The following FKBP4 variants were observed in gnomAD, a reference collection of about 807,000 sequenced individuals.
FKBP4 encodes the protein FKBP prolyl isomerase 4, also known as peptidyl-prolyl cis-trans isomerase FKBP4.
Under a neutral mutation model 54.1 loss-of-function variants are expected in FKBP4, and 28 were observed. That is an observed-to-expected ratio of 0.52 (90% confidence interval 0.38 to 0.71). FKBP4 has a LOEUF of 0.71. Among genes scored for constraint, FKBP4 ranks in the 30% least tolerant of loss-of-function variants. The probability of loss-of-function intolerance (pLI) is 0.00; values close to 1 mark genes in which losing one functional copy is unlikely to be tolerated. For synonymous variants in FKBP4, 223 were observed against 216.1 expected, an observed-to-expected ratio of 1.03 and a Z score of -0.28; for missense variants, 493 against 574.4, an observed-to-expected ratio of 0.86 and a Z score of 1.45.
chr12:2,803,191 CAG>C lies in FKBP4; in HGVS notation c.1317_1318del (p.Glu439AspfsTer43), dbSNP rs779258666. Reference sequence around the variant, plus strand: ...TCCTCAGGAGACCATCCCACTGACACAGAGATGAAGGAGGAGCAGAAGAGCAA... The same window carrying C: ...TCCTCAGGAGACCATCCCACTGACACAGATGAAGGAGGAGCAGAAGAGCAA... On this transcript the variant is annotated frameshift_variant, in exon 10 of 10. Coordinates refer to ENST00000001008, the MANE Select transcript of FKBP4 (RefSeq NM_002014.4). LOFTEE classifies it high-confidence loss of function. 6.2e-7 allele frequency: 1 copy of C among 1,606,812 alleles called. No homozygotes were observed. Among genetic ancestry groups the C allele is most frequent in the South Asian group, 1.1e-5 (1 of 89,544 alleles).
In FKBP4 at chr12:2,804,583, T is replaced by A. The variant is rs1391764506; in HGVS notation, c.*1325T>A. On this transcript the variant is annotated 3_prime_UTR_variant, in exon 10 of 10. Transcript: ENST00000001008. ...CCAGTCATGCTGAGCTGCCTCCAGA[T>A]AATCCTGGCTCCAGGCCAGAGCCCG... is the stretch of plus-strand genomic sequence containing the variant. 6.6e-6 allele frequency: 1 copy of A among 152,406 alleles called. No homozygotes were observed. Among genetic ancestry groups the A allele is most frequent in the Non-Finnish European group, 1.5e-5 (1 of 68,178 alleles). The allele number at this position is 152,406 out of a possible 1,614,324, so 9.4% of individuals were successfully genotyped here. A position where few individuals can be genotyped will look rare whatever the true frequency, so the allele number is the denominator to read the frequency against.
intron 9 of FKBP4, 159 bp downstream of exon 9, chr12:2,801,515 G>A: frequency 9.6e-7 from 1 of 1,037,484 alleles, no homozygotes. Context: ...GTTGGGGCCA[G>A]TGTTCTGTGA....
chr12:2,803,023 T>A (rs2097905692), intron 9 of FKBP4, 128 bp from the exon 10 acceptor site: 1 of 670,598 alleles, frequency 1.5e-6, no homozygotes, highest in African/African-American at 1.8e-5. Context: ...CCACCAGGCT[T>A]GGCCTATACA....
rs1444620653 is a variant in FKBP4 at position 2,795,086 on chromosome 12, C to T, written c.-54C>T. 1.6e-5 allele frequency: 19 copies of T among 1,162,382 alleles called. No individual in the cohort carries two copies. The African/African-American group carries it at 1.9e-4, about 12-fold the overall frequency. The allele number at this position is 1,162,382 out of a possible 1,614,324, so 72.0% of individuals were successfully genotyped here. A position where few individuals can be genotyped will look rare whatever the true frequency, so the allele number is the denominator to read the frequency against. ...GCAGGTAGCGCCCCCGCCCGCGGCC[C>T]AGAGTGCGCTCGCGCCGGCACCAGC... is the stretch of plus-strand genomic sequence containing the variant. On this transcript the variant is annotated 5_prime_UTR_variant, in exon 1 of 10. Transcript: ENST00000001008. This position sits in a 1 kb window ranked among gnomAD's most constrained non-coding sequence, Gnocchi z 4.3.
rs544267434 is a variant in FKBP4, at chr12:2,802,101, TA to T, written c.1272+746del. On this transcript the variant is annotated intron_variant, in intron 9 of 9. Transcript: ENST00000001008. ...TCCATTGTATGGATATGGCTTGTCTTAGTCAATCAGTCCCTTTTTAGTCTTC... is the reference window on the plus strand; with the variant it reads ...TCCATTGTATGGATATGGCTTGTCTTGTCAATCAGTCCCTTTTTAGTCTTC... Among the ~76,000 whole-genome samples the T allele has an allele frequency of 7.3e-4, 111 of 152,250 alleles. 1 individual carries two copies. The highest frequency in any genetic ancestry group is 1.5e-3 in the Non-Finnish European group (103 of 68,046).
intron 9 of FKBP4, 183 bp downstream of exon 9, chr12:2,801,539 C>A: frequency 1.2e-6 from 1 of 829,892 alleles, no homozygotes; most frequent in Admixed American, 2.2e-5. Flanking sequence ...GTGCGGGAAA[C>A]CTACCCACAA....
intron 1 of FKBP4, chr12:2,796,403 C>A (rs2097901878): frequency 1.6e-6 from 2 of 1,287,904 alleles, no homozygotes; most frequent in Non-Finnish European, 2.0e-6. Flanking sequence ...ATCATTCCTT[C>A]CCTTTTACCT....
At position 2,798,902 on chromosome 12, in the gene FKBP4, C is replaced by A; in HGVS notation, c.514+76C>A. 6.6e-7 allele frequency: 1 copy of A among 1,520,032 alleles called. No individual in the cohort carries two copies. Among genetic ancestry groups the A allele is most frequent in the Admixed American group, 1.8e-5 (1 of 56,808 alleles). The allele number at this position is 1,520,032 out of a possible 1,614,324, so 94.2% of individuals were successfully genotyped here. ...TGTGTGGCTTTGGGCAAGACACTTCCGTTCTCCGAGCCTATCTTCTTGTCC... is the reference window on the plus strand; with the variant it reads ...TGTGTGGCTTTGGGCAAGACACTTCAGTTCTCCGAGCCTATCTTCTTGTCC... On this transcript the variant is annotated intron_variant, in intron 4 of 9. Coordinates refer to ENST00000001008, the MANE Select transcript of FKBP4 (RefSeq NM_002014.4). This position sits in a 1 kb window ranked among gnomAD's most constrained non-coding sequence, Gnocchi z 4.3.
chr12:2,795,146 G>A lies in FKBP4; in HGVS notation c.7G>A (p.Ala3Thr), dbSNP rs767313392. 2.3e-6 allele frequency: 3 copies of A among 1,307,802 alleles called. No homozygotes were observed. The highest frequency in any genetic ancestry group is 2.2e-4 in the Middle Eastern group (1 of 4,482). 81.0% of individuals were successfully genotyped at this position (1,307,802 alleles called of 1,614,324 possible). The change falls in exon 1 of 10, where the codon GCC (alanine) becomes ACC (threonine). Residue 3 changes from alanine to threonine, a missense_variant. Transcript: ENST00000001008. This position sits in a 1 kb window ranked among gnomAD's most constrained non-coding sequence, Gnocchi z 4.3. ...AACGGCGCGCCGCGCGGAGATGACA[G>A]CCGAGGAGATGAAGGCGACCGAGAG... Reference protein sequence around the residue: MTAEEMKATESGA... With the variant: MTTEEMKATESGA...
At chr12:2,801,844 C>T (rs1421709623) in intron 9 of FKBP4, 2 of 288,606 alleles carry the variant, frequency 6.9e-6, no homozygotes, top group East Asian at 9.2e-5. Flanking sequence ...ACAGTCAAGT[C>T]TGCCTCCCCC....
chr12:2,797,849 C>T lies in FKBP4; in HGVS notation c.371C>T (p.Pro124Leu), dbSNP rs527359061. 1.2e-6 allele frequency: 2 copies of T among 1,613,854 alleles called. No homozygotes were observed. The highest frequency in any genetic ancestry group is 2.2e-5 in the East Asian group (1 of 44,890). The part of the protein sequence containing the change: ...GSAGSPPKIP[P>L]NATLVFEVEL... ...GCAGGCAGTCCTCCAAAGATTCCCC[C>T]CAATGCCACGCTTGTATTTGAGGTG... Residue 124 changes from proline (P) to leucine (L), a missense_variant, in exon 3 of 10, where the codon CCC becomes CTC. Physicochemically the swap from Pro to Leu is moderately conservative, Grantham distance 98. Transcript: ENST00000001008.
At position 2,798,435 on chromosome 12, in the gene FKBP4, C is replaced by T. The variant is rs1393485726; in HGVS notation, c.394-271C>T. Among the ~76,000 whole-genome samples the T allele has an allele frequency of 1.3e-5, 2 of 152,206 alleles. No individual in the cohort carries two copies. Among genetic ancestry groups the T allele is most frequent in the Non-Finnish European group, 2.9e-5 (2 of 68,046 alleles). The stretch of plus-strand genomic sequence containing the variant: ...GAATTAGGATTATCTGGGACGCGTC[C>T]TGATATGTCCGTGTTAGTAGAGCAG... On this transcript the variant is annotated intron_variant, in intron 3 of 9. Transcript: ENST00000001008. The surrounding 1 kb of genome is among the most constrained non-coding windows in gnomAD (Gnocchi z 4.3).
intron 7 of FKBP4, 135 bp downstream of exon 7, chr12:2,800,257 G>T: frequency 7.4e-7 from 1 of 1,353,772 alleles, no homozygotes; most frequent in East Asian, 2.4e-5. Context: ...TCATATATGT[G>T]AGCTTGCTGG....
Position 2,801,310 on chromosome 12 carries a change from A to G in FKBP4, c.1226A>G (p.Lys409Arg). 6.2e-7 allele frequency: 1 copy of G among 1,614,196 alleles called. No homozygotes were observed. The highest frequency in any genetic ancestry group is 1.1e-5 in the South Asian group (1 of 91,080). Residue 409 changes from lysine (K) to arginine (R), a missense_variant, in exon 9 of 10, where the codon AAG becomes AGG. Transcript: ENST00000001008. ...CGAAGGCAGCTTGCCCGGGAGAAGA[A>G]GCTCTATGCCAATATGTTTGAGAGG... is the stretch of plus-strand genomic sequence containing the variant. ...RIRRQLAREK[K>R]LYANMFERLA...
chr12:2,800,729 A>AAGT, intron 8 of FKBP4, 152 bp downstream of exon 8: 1 of 754,570 alleles, frequency 1.3e-6, no homozygotes. Flanking sequence ...GCACGGATGC[A>AAGT]AGTATTCATA....
chr12:2,802,086 G>C (rs2097905139), intron 9 of FKBP4, among the ~76,000 whole-genome samples: 1 of 152,172 alleles, frequency 6.6e-6, no homozygotes, highest in African/African-American at 2.4e-5. Context: ...TCCATTGTAT[G>C]GATATGGCTT....
chr12:2,800,143 C>T, intron 7 of FKBP4, 21 bp downstream of exon 7: 5 of 1,608,746 alleles, frequency 3.1e-6, no homozygotes, highest in Non-Finnish European at 4.3e-6. Flanking sequence ...AGTCATTGTC[C>T]TAAGGACACT....
chr12:2,799,894 C>A lies in FKBP4; in HGVS notation c.716C>A (p.Pro239Gln). 1 of 1,614,156 alleles carries A rather than the reference C, an allele frequency of 6.2e-7. No homozygotes were observed. Among genetic ancestry groups the A allele is most frequent in the Non-Finnish European group, 8.5e-7 (1 of 1,180,026 alleles). ...SVGKEKFQIP[P>Q]NAELKYELHL... ...GGGAAGGAAAAGTTCCAAATCCCAC[C>A]AAATGCTGAGCTGAAATATGAATTA... The change falls in exon 6 of 10, where the codon CCA (proline) becomes CAA (glutamine). Residue 239 changes from proline (P) to glutamine (Q), a missense_variant. Transcript: ENST00000001008.
At chr12:2,796,968 A>C (rs1462607724) in intron 1 of FKBP4, 170 bp from the exon 2 acceptor site, 2 of 1,398,534 alleles carry the variant, frequency 1.4e-6, no homozygotes, top group Admixed American at 6.3e-5. Flanking sequence ...CAAGAAGGTT[A>C]GTTGACTCAT....
Sources: gnomAD v4.1 joint callset for allele counts (sites outside exome capture counted in the v4.1 genomes callset) on GRCh38, gnomAD v4.1.1 for gene constraint, Gnocchi (gnomAD v3.1) non-coding constraint, MANE v1.5 for transcripts, NCBI Gene and HGNC (gene_info 2026-07-23, HGNC 2026-07-21) for gene names.